The following NAV3 variants were observed in gnomAD, a reference collection of about 807,000 sequenced individuals.
NAV3 encodes the protein neuron navigator 3.
A neutral mutation model predicts 244.7 loss-of-function variants in NAV3; 87 were observed. That is an observed-to-expected ratio of 0.36 (90% CI 0.30 to 0.42). NAV3 has a LOEUF of 0.42. Among genes scored for constraint, NAV3 ranks in the 20% least tolerant of loss-of-function variants. NAV3 has a pLI of 1.00. For missense variants in NAV3, 2,663 were observed against 2,893.3 expected, an observed-to-expected ratio of 0.92 and a Z score of 1.83; for synonymous variants, 1,126 against 1,042.2, an observed-to-expected ratio of 1.08 and a Z score of -1.55.
chr12:77,737,162 C>G (rs1315839641), intron 2 of NAV3, among the ~76,000 whole-genome samples: 1 of 149,788 alleles, frequency 6.7e-6, no homozygotes, highest in Non-Finnish European at 1.5e-5. Flanking sequence ...GTTGATGTTT[C>G]TGTTGGTGTT....
chr12:77,712,200 T>C lies in NAV3; in HGVS notation c.72+139934T>C, dbSNP rs186839836. Among the ~76,000 whole-genome samples the C allele has an allele frequency of 3.1e-4, 47 of 152,320 alleles. 1 individual carries two copies. In the Middle Eastern group the frequency reaches 0.01, roughly 33 times the overall value. On this transcript the variant is annotated intron_variant, in intron 2 of 8. Coordinates refer to the NAV3 transcript ENST00000550042. Reference sequence around the variant, plus strand: ...TTTCAGAGCGAAAGGGTTATATTTTTGTGAACATAATCAACAGAAATTAAG... The same window carrying C: ...TTTCAGAGCGAAAGGGTTATATTTTCGTGAACATAATCAACAGAAATTAAG...
At chr12:78,016,338 C>T (rs1263533068) in intron 8 of NAV3, among the ~76,000 whole-genome samples, 1 of 152,106 alleles carries the variant, frequency 6.6e-6, no homozygotes, top group Non-Finnish European at 1.5e-5. Context: ...TGATTATTCA[C>T]ATATACATAC....
chr12:78,142,637 G>C (rs1034706779), intron 20 of NAV3, among the ~76,000 whole-genome samples: 2 of 145,530 alleles, frequency 1.4e-5, no homozygotes, highest in Non-Finnish European at 3.0e-5. Context: ...ATATGAAATG[G>C]GAACACAGAT....
intron 2 of NAV3, among the ~76,000 whole-genome samples, chr12:77,737,156 A>T (rs1359462774): frequency 6.7e-6 from 1 of 150,266 alleles, no homozygotes; most frequent in Non-Finnish European, 1.5e-5. Flanking sequence ...ATTAAAGTTG[A>T]TGTTTCTGTT....
chr12:77,868,661 C>T lies in NAV3; in HGVS notation c.243+36957C>T, dbSNP rs529001810. On this transcript the variant is annotated intron_variant, in intron 1 of 39. Coordinates refer to ENST00000397909, the MANE Select transcript of NAV3 (RefSeq NM_001024383.2). ...GTCCCAGCTCCTCAGGTGGCTGAGG[C>T]GGGAGGATTGCTAGAACCTGGGAAA... Among the ~76,000 whole-genome samples, 102 of 145,092 alleles carry T rather than the reference C, an allele frequency of 7.0e-4. No homozygotes were observed. In the South Asian group the frequency reaches 8.7e-3, roughly 12 times the overall value.
At chr12:78,174,852 T>A (rs1958154048) in intron 24 of NAV3, among the ~76,000 whole-genome samples, 1 of 152,006 alleles carries the variant, frequency 6.6e-6, no homozygotes, top group African/African-American at 2.4e-5. Flanking sequence ...TATGGTATGA[T>A]TCTATGAAAT....
intron 12 of NAV3, among the ~76,000 whole-genome samples, chr12:78,088,489 G>A (rs1316740640): frequency 2.5e-4 from 38 of 151,986 alleles, no homozygotes; most frequent in African/African-American, 9.2e-4. Context: ...CCTTCCCTTA[G>A]TTTGTTGACA....
At chr12:77,724,353 T>C (rs1876781429) in intron 2 of NAV3, among the ~76,000 whole-genome samples, 1 of 151,988 alleles carries the variant, frequency 6.6e-6, no homozygotes, top group Non-Finnish European at 1.5e-5. Context: ...CTCAAAGATG[T>C]TCAATTCTAG....
chr12:77,886,536 CT>C (rs1192956483), intron 1 of NAV3, among the ~76,000 whole-genome samples: 2 of 152,116 alleles, frequency 1.3e-5, no homozygotes, highest in African/African-American at 4.8e-5. Context: ...TTGAATGTCA[CT>C]TAAGCATTTT....
At chr12:77,723,928 C>T (rs1016569827) in intron 2 of NAV3, among the ~76,000 whole-genome samples, 2 of 151,390 alleles carry the variant, frequency 1.3e-5, no homozygotes, top group Non-Finnish European at 2.9e-5. Flanking sequence ...GATGAATATG[C>T]GTGTTCATTC....
intron 1 of NAV3, among the ~76,000 whole-genome samples, chr12:77,894,951 C>G (rs1200551904): frequency 6.6e-6 from 1 of 152,208 alleles, no homozygotes; most frequent in Non-Finnish European, 1.5e-5. Context: ...TCATCCAGTT[C>G]ACTACTGTGC....
chr12:77,596,809 T>A (rs1171578697), intron 2 of NAV3, among the ~76,000 whole-genome samples: 1 of 151,936 alleles, frequency 6.6e-6, no homozygotes, highest in East Asian at 1.9e-4. Flanking sequence ...AAAGTCATGG[T>A]TGTGTTTAAA....
intron 7 of NAV3, among the ~76,000 whole-genome samples, chr12:78,001,873 A>T (rs1448993874): frequency 6.6e-6 from 1 of 152,212 alleles, no homozygotes; most frequent in East Asian, 1.9e-4. Context: ...TTCTTTTGAG[A>T]GTGCTTCAGT....
chr12:77,831,194 AC>A lies in NAV3; in HGVS notation c.-267del. On this transcript the variant is annotated 5_prime_UTR_variant, in exon 1 of 40. Coordinates refer to ENST00000397909, the MANE Select transcript of NAV3 (RefSeq NM_001024383.2). ...CAGAGAGAGAGAGAGAGAGAGAGAG[AC>A]AGAGAGAGAGAGAGAGAGAGAGAAA... is the stretch of plus-strand genomic sequence containing the variant. The A allele has an allele frequency of 5.6e-5, 5 of 89,112 alleles. No homozygotes were observed. Among genetic ancestry groups the A allele is most frequent in the East Asian group, 3.2e-4 (1 of 3,138 alleles). 5.5% of individuals were successfully genotyped at this position (89,112 alleles called of 1,614,324 possible).
chr12:78,070,183 T>C (rs987121675), intron 12 of NAV3, among the ~76,000 whole-genome samples: 3 of 152,122 alleles, frequency 2.0e-5, no homozygotes, highest in Admixed American at 6.6e-5. Context: ...AAATTATTTA[T>C]AATAATAGTT....
At chr12:77,991,274 T>C (rs1416256602) in intron 5 of NAV3, among the ~76,000 whole-genome samples, 1 of 152,120 alleles carries the variant, frequency 6.6e-6, no homozygotes, top group Non-Finnish European at 1.5e-5. Flanking sequence ...TCTACCTGCC[T>C]CAGACTCCCA....
intron 18 of NAV3, among the ~76,000 whole-genome samples, chr12:78,134,847 T>C (rs1484767020): frequency 6.6e-6 from 1 of 152,222 alleles, no homozygotes; most frequent in Non-Finnish European, 1.5e-5. Context: ...TATATAATCT[T>C]AATAAAAGGT....
At position 78,206,470 on chromosome 12, in the gene NAV3, T is replaced by C. The variant is rs1279031888; in HGVS notation, c.7038+1332T>C. Among the ~76,000 whole-genome samples, 3 of 152,292 alleles carry C rather than the reference T, an allele frequency of 2.0e-5. No homozygotes were observed. The East Asian group carries it at 5.8e-4, about 29-fold the overall frequency. ...CTACCTCTGCAGTTTTTATATAATA[T>C]GTCTGTTTTATAAGGAGAGGTGTTT... On this transcript the variant is annotated intron_variant, in intron 39 of 39. Coordinates refer to ENST00000397909, the MANE Select transcript of NAV3 (RefSeq NM_001024383.2).
At chr12:77,805,225 G>A (rs1398123305) in intron 2 of NAV3, among the ~76,000 whole-genome samples, 1 of 152,182 alleles carries the variant, frequency 6.6e-6, no homozygotes, top group Admixed American at 6.5e-5. Context: ...TGGTGAGAGA[G>A]GGCGTCCTTT....
Sources: gnomAD v4.1 joint callset for allele counts (sites outside exome capture counted in the v4.1 genomes callset) on GRCh38, gnomAD v4.1.1 for gene constraint, MANE v1.5 for transcripts, NCBI Gene and HGNC (gene_info 2026-07-23, HGNC 2026-07-21) for gene names.